Variants in NAV3 observed in about 807,000 individuals in gnomAD.
NAV3 encodes the protein pore membrane and/or filament interacting like protein 1.
In NAV3, 87 loss-of-function variants were observed where a neutral mutation model predicts 244.7. That is an observed-to-expected ratio of 0.36 (90% CI 0.30 to 0.42). NAV3 has a LOEUF of 0.42. NAV3 is among the 20% of genes least tolerant of loss of function. The pLI is 1.00. For synonymous variants in NAV3, 1,126 were observed against 1,042.2 expected (o/e 1.08, Z -1.55); for missense variants, 2,663 against 2,893.3 (o/e 0.92, Z 1.83).
chr12:77,895,117 A>G (rs1884423786), intron 1 of NAV3, among the ~76,000 whole-genome samples: 1 of 152,106 alleles, frequency 6.6e-6, no homozygotes, highest in Non-Finnish European at 1.5e-5. Flanking sequence ...GAAAAAGGAC[A>G]GGAGTGTTTC....
At chr12:78,064,426 T>TCTGTCTGCCTGCCTGC (rs66686266) in intron 12 of NAV3, among the ~76,000 whole-genome samples, 73 of 136,282 alleles carry the variant, frequency 5.4e-4, no homozygotes, top group African/African-American at 6.3e-4. Flanking sequence ...TGTCTGTCTG[T>TCTGTCTGCCTGCCTGC]CTGCCTGCCT....
At chr12:78,133,114 A>T (rs1051567649) in intron 18 of NAV3, among the ~76,000 whole-genome samples, 1 of 152,076 alleles carries the variant, frequency 6.6e-6, no homozygotes, top group Admixed American at 6.6e-5. Context: ...TTATGTTTCA[A>T]CATTTTCACC....
In NAV3 at chr12:77,715,538, C is replaced by T. The variant is rs367681817; in HGVS notation, c.72+143272C>T. Among the ~76,000 whole-genome samples, 14 of 151,304 alleles carry T rather than the reference C, an allele frequency of 9.3e-5. No individual in the cohort carries two copies. In the South Asian group the frequency reaches 1.7e-3, roughly 18 times the overall value. On this transcript the variant is annotated intron_variant, in intron 2 of 8. Transcript: ENST00000550042. ...CATAGTGGATAAAATATAATTTTTA[C>T]CAAAAAATAAATAGGGTTATTAAAT...
chr12:78,101,462 A>G (rs1299907373), intron 12 of NAV3, among the ~76,000 whole-genome samples: 1 of 152,206 alleles, frequency 6.6e-6, no homozygotes, highest in East Asian at 1.9e-4. Flanking sequence ...TTAAACTGCT[A>G]TAAAAATCAT....
intron 12 of NAV3, among the ~76,000 whole-genome samples, chr12:78,066,872 A>G (rs912025324): frequency 3.3e-5 from 5 of 152,088 alleles, no homozygotes; most frequent in East Asian, 1.9e-4. Context: ...GTAACTCATC[A>G]TATATTGAAG....
chr12:77,747,317 T>G (rs983128171), intron 2 of NAV3, among the ~76,000 whole-genome samples: 3 of 152,116 alleles, frequency 2.0e-5, no homozygotes, highest in Non-Finnish European at 4.4e-5. Context: ...GAAATGCAAA[T>G]CAAAACCACA....
At chr12:77,670,887 A>T (rs1873939105) in intron 2 of NAV3, among the ~76,000 whole-genome samples, 1 of 152,136 alleles carries the variant, frequency 6.6e-6, no homozygotes, top group Non-Finnish European at 1.5e-5. Flanking sequence ...CAAGACGAGG[A>T]TGGGTACTTT....
rs1201666776 is a variant in NAV3, at chr12:78,073,030, C to T, written c.2636+13915C>T. Among the ~76,000 whole-genome samples the T allele has an allele frequency of 2.1e-3, 290 of 139,082 alleles. 1 individual carries two copies. Among genetic ancestry groups the T allele is most frequent in the African/African-American group, 6.9e-3 (270 of 39,048 alleles). 91.2% of individuals were successfully genotyped at this position (139,082 alleles called of 152,430 possible). ...CTCAATAAATTAGGTATTGATGGGACGTATTTCAAAATAATAAGAGCTATC... is the reference window on the plus strand; with the variant it reads ...CTCAATAAATTAGGTATTGATGGGATGTATTTCAAAATAATAAGAGCTATC... On this transcript the variant is annotated intron_variant, in intron 12 of 39. Coordinates refer to ENST00000397909, the MANE Select transcript of NAV3 (RefSeq NM_001024383.2).
chr12:77,760,134 T>G (rs1317523441), intron 2 of NAV3, among the ~76,000 whole-genome samples: 1 of 152,242 alleles, frequency 6.6e-6, no homozygotes, highest in Non-Finnish European at 1.5e-5. Flanking sequence ...TTTGAACCAA[T>G]ATTAAATCCA....
intron 21 of NAV3, among the ~76,000 whole-genome samples, chr12:78,147,618 A>G (rs1339287052): frequency 6.6e-6 from 1 of 151,878 alleles, no homozygotes; most frequent in Non-Finnish European, 1.5e-5. Context: ...TCCGGAAAAA[A>G]AAAAAAAACA....
intron 2 of NAV3, among the ~76,000 whole-genome samples, chr12:77,708,362 G>T (rs1404372329): frequency 6.6e-6 from 1 of 152,124 alleles, no homozygotes; most frequent in African/African-American, 2.4e-5. Flanking sequence ...AAGATCAGAT[G>T]GTTGTAGATG....
At chr12:77,689,154 G>A (rs567947537) in intron 2 of NAV3, among the ~76,000 whole-genome samples, 1 of 151,998 alleles carries the variant, frequency 6.6e-6, no homozygotes, top group African/African-American at 2.4e-5. Context: ...GCATTAACAA[G>A]TCTAAAAACA....
At chr12:78,061,508 C>T (rs1461606771) in intron 12 of NAV3, among the ~76,000 whole-genome samples, 3 of 152,000 alleles carry the variant, frequency 2.0e-5, no homozygotes, top group African/African-American at 7.2e-5. Flanking sequence ...ACTTGAGCTG[C>T]TTGCATAAAT....
intron 3 of NAV3, among the ~76,000 whole-genome samples, chr12:77,955,387 A>T (rs182721890): frequency 2.6e-5 from 4 of 152,212 alleles, no homozygotes; most frequent in African/African-American, 9.6e-5. Context: ...AAGCAGCAAA[A>T]TGTGGGGGTT....
intron 1 of NAV3, among the ~76,000 whole-genome samples, chr12:77,876,539 C>G (rs1484563750): frequency 1.3e-5 from 2 of 152,060 alleles, no homozygotes; most frequent in Admixed American, 6.6e-5. Context: ...TGACAGGACT[C>G]TGTCACTAAG....
At position 77,822,584 on chromosome 12, in the gene NAV3, AG is replaced by A. The variant is rs139616377; in HGVS notation, c.73-117734del. 6.7e-3 allele frequency among the ~76,000 whole-genome samples: 1,017 copies of A among 152,322 alleles called. 12 individuals carry two copies. The highest frequency in any genetic ancestry group is 0.023 in the African/African-American group (940 of 41,574). On this transcript the variant is annotated intron_variant, in intron 2 of 8. Coordinates refer to the NAV3 transcript ENST00000550042. ...GTGTTAGAAGCCAGGTCTGGAGAATAGTTTTAACTTCATGCTCAGTATATCT... is the reference window on the plus strand; with the variant it reads ...GTGTTAGAAGCCAGGTCTGGAGAATATTTTAACTTCATGCTCAGTATATCT...
intron 5 of NAV3, among the ~76,000 whole-genome samples, chr12:77,986,648 T>C (rs1235217819): frequency 6.6e-6 from 1 of 152,184 alleles, no homozygotes; most frequent in Non-Finnish European, 1.5e-5. Flanking sequence ...TACATATATA[T>C]GACCACATTT....
At chr12:77,818,059 CT>C (rs1343703798) in intron 2 of NAV3, among the ~76,000 whole-genome samples, 2 of 151,954 alleles carry the variant, frequency 1.3e-5, no homozygotes, top group African/African-American at 4.8e-5. Context: ...TATAAACTAG[CT>C]TTTTGGAGGG....
At chr12:78,046,575 A>C (rs1297971547) in intron 9 of NAV3, among the ~76,000 whole-genome samples, 5 of 152,162 alleles carry the variant, frequency 3.3e-5, no homozygotes, top group African/African-American at 1.2e-4. Flanking sequence ...TTCTAATTTG[A>C]TTGCACTCTG....
Sources: allele counts gnomAD v4.1 joint callset (sites outside exome capture counted in the v4.1 genomes callset), GRCh38; gene constraint gnomAD v4.1.1; transcripts MANE v1.5; gene names NCBI Gene and HGNC (gene_info 2026-07-23, HGNC 2026-07-21).